Variants in ATP2B2 observed in about 807,000 individuals in gnomAD.
The protein encoded by ATP2B2 is ATPase plasma membrane Ca2+ transporting 2.
Under a neutral mutation model 120.0 loss-of-function variants are expected in ATP2B2, and 15 were observed. That is an observed-to-expected ratio of 0.12 (90% CI 0.08 to 0.19). The LOEUF is 0.19. Among genes scored for constraint, ATP2B2 ranks in the 10% least tolerant of loss-of-function variants. ATP2B2 has a pLI of 1.00. For missense variants in ATP2B2, 1,045 were observed against 1,719.8 expected, an observed-to-expected ratio of 0.61 and a Z score of 6.94; for synonymous variants, 694 against 700.3, an observed-to-expected ratio of 0.99 and a Z score of 0.14.
At chr3:10,642,466 G>A (rs1342541920) in intron 1 of ATP2B2, among the ~76,000 whole-genome samples, 2 of 152,086 alleles carry the variant, frequency 1.3e-5, no homozygotes, top group Non-Finnish European at 1.5e-5. Flanking sequence ...AAGAAACAGA[G>A]CAGCAACCAG....
chr3:10,470,899 T>C (rs2064958213), intron 1 of ATP2B2, among the ~76,000 whole-genome samples: 1 of 152,112 alleles, frequency 6.6e-6, no homozygotes, highest in African/African-American at 2.4e-5. Flanking sequence ...CAGGTTGCTA[T>C]GGCGACAGCA....
chr3:10,384,980 A>T (rs993786101), intron 8 of ATP2B2, among the ~76,000 whole-genome samples: 1 of 152,212 alleles, frequency 6.6e-6, no homozygotes, highest in African/African-American at 2.4e-5. Context: ...CTTGGGAGCC[A>T]ATCTGAAGCC....
At chr3:10,469,505 C>T (rs75381635) in intron 1 of ATP2B2, among the ~76,000 whole-genome samples, 1,940 of 152,300 alleles carry the variant, frequency 0.013, 48 homozygotes, top group African/African-American at 0.044. Flanking sequence ...GCTCAGGGCC[C>T]GTGCAAAGAG....
intron 21 of ATP2B2, among the ~76,000 whole-genome samples, chr3:10,339,897 T>C (rs994944526): frequency 6.6e-6 from 1 of 152,236 alleles, no homozygotes; most frequent in Non-Finnish European, 1.5e-5. Flanking sequence ...ATTAATGTTT[T>C]TGTTAGCTTC....
intron 2 of ATP2B2, among the ~76,000 whole-genome samples, chr3:10,611,617 A>C (rs1361747023): frequency 2.0e-5 from 3 of 152,060 alleles, no homozygotes; most frequent in African/African-American, 7.2e-5. Flanking sequence ...CACGTGTTCC[A>C]CTTCTTCTCT....
chr3:10,348,528 G>A (rs1030192370), intron 16 of ATP2B2, among the ~76,000 whole-genome samples: 1 of 152,180 alleles, frequency 6.6e-6, no homozygotes, highest in Non-Finnish European at 1.5e-5. Flanking sequence ...CCAGTCTCCT[G>A]TAGCTTCCCT....
At chr3:10,477,654 C>T (rs928676180) in intron 1 of ATP2B2, among the ~76,000 whole-genome samples, 1 of 152,204 alleles carries the variant, frequency 6.6e-6, no homozygotes, top group Non-Finnish European at 1.5e-5. Context: ...CAGTATTTGT[C>T]CCTTTATGGC....
rs1575053745 is a variant in ATP2B2, at chr3:10,375,180, C to T, written c.1416+250G>A. On this transcript the variant is annotated intron_variant, in intron 11 of 22. Coordinates refer to ENST00000360273, the MANE Select transcript of ATP2B2 (RefSeq NM_001001331.4). This position sits in a 1 kb window ranked among gnomAD's most constrained non-coding sequence, Gnocchi z 4.2. ...ATGCTGGGCCTGCACCCCTGCAAGG[C>T]GGCGTGTGGCTGGGCTGAATAACAG... is the stretch of plus-strand genomic sequence containing the variant. Among the ~76,000 whole-genome samples the T allele has an allele frequency of 1.3e-5, 2 of 152,188 alleles. No homozygotes were observed. Among genetic ancestry groups the T allele is most frequent in the African/African-American group, 2.4e-5 (1 of 41,438 alleles).
intron 1 of ATP2B2, among the ~76,000 whole-genome samples, chr3:10,648,197 G>A (rs568929622): frequency 2.6e-5 from 4 of 152,282 alleles, no homozygotes; most frequent in South Asian, 4.1e-4. Context: ...CCACACATCC[G>A]ATGGCAGTGG....
At position 10,346,046 on chromosome 3, in the gene ATP2B2, G is replaced by T; in HGVS notation, c.2496C>A (p.Asp832Glu). The change falls in exon 17 of 23, where the codon GAC (aspartate) becomes GAA (glutamate). Residue 832 changes from aspartate to glutamate, a missense_variant. Asp to Glu is a conservative substitution (Grantham distance 45, BLOSUM62 2). Around this residue, in one of 11 missense-constraint regions of ATP2B2, gnomAD observed 98 missense variants for 266.7 expected, o/e 0.37. Transcript: ENST00000360273. This position sits in a 1 kb window ranked among gnomAD's most constrained non-coding sequence, Gnocchi z 4.1. Reference protein sequence around the residue: ...TNDGPALKKADVGFAMGIAGT... With the variant: ...TNDGPALKKAEVGFAMGIAGT... Reference sequence around the variant, plus strand: ...CCGTTCCTACCATGGCGAAGCCCACGTCGGCCTTCTTGAGTGCAGGCCCGT... The same window carrying T: ...CCGTTCCTACCATGGCGAAGCCCACTTCGGCCTTCTTGAGTGCAGGCCCGT... The T allele has an allele frequency of 6.2e-7, 1 of 1,611,796 alleles. No homozygotes were observed.
At chr3:10,661,606 A>C (rs1251575635) in intron 1 of ATP2B2, among the ~76,000 whole-genome samples, 1 of 152,252 alleles carries the variant, frequency 6.6e-6, no homozygotes, top group Non-Finnish European at 1.5e-5. Context: ...AAGAGGACAC[A>C]AACAAATGGA....
intron 1 of ATP2B2, among the ~76,000 whole-genome samples, chr3:10,630,960 T>C (rs2069847551): frequency 6.6e-6 from 1 of 152,192 alleles, no homozygotes; most frequent in Non-Finnish European, 1.5e-5. Flanking sequence ...AGAGAAAGAA[T>C]TATTTCTTCT....
intron 2 of ATP2B2, among the ~76,000 whole-genome samples, chr3:10,536,479 C>T (rs984565462): frequency 6.6e-6 from 1 of 151,468 alleles, no homozygotes; most frequent in South Asian, 2.1e-4. Context: ...TCCTCCTCCT[C>T]CTCCTCTTTC....
intron 1 of ATP2B2, among the ~76,000 whole-genome samples, chr3:10,690,647 C>G (rs1218187458): frequency 1.1e-4 from 16 of 152,148 alleles, no homozygotes; most frequent in Admixed American, 1.0e-3. Context: ...CTCAGAACCA[C>G]CCCCAGAGAC....
chr3:10,389,917 G>A (rs2061794982), intron 5 of ATP2B2, among the ~76,000 whole-genome samples: 2 of 152,218 alleles, frequency 1.3e-5, no homozygotes, highest in East Asian at 1.9e-4. Context: ...TTCTAGCAGC[G>A]AGGGAATGCG....
rs183540814 is a variant in ATP2B2 at position 10,703,287 on chromosome 3, A to C, written c.-460+4628T>G. Among the ~76,000 whole-genome samples, 3 of 152,294 alleles carry C rather than the reference A, an allele frequency of 2.0e-5. No individual in the cohort carries two copies. The East Asian group carries it at 5.8e-4, about 29-fold the overall frequency. Reference sequence around the variant, plus strand: ...CCTCCTGGGAGGGAGTCCTGCGCGCAGAAAGCTTGTCCTGGCTGTGCCCTC... The same window carrying C: ...CCTCCTGGGAGGGAGTCCTGCGCGCCGAAAGCTTGTCCTGGCTGTGCCCTC... On this transcript the variant is annotated intron_variant, in intron 1 of 21. Transcript: ENST00000646379.
intron 3 of ATP2B2, among the ~76,000 whole-genome samples, chr3:10,520,879 G>T (rs2068959647): frequency 6.6e-6 from 1 of 151,946 alleles, no homozygotes; most frequent in African/African-American, 2.4e-5. Flanking sequence ...CATCACTGCA[G>T]GTTCAGAGTG....
At chr3:10,421,020 G>C (rs36109047) in intron 2 of ATP2B2, among the ~76,000 whole-genome samples, 1 of 151,996 alleles carries the variant, frequency 6.6e-6, no homozygotes, top group Non-Finnish European at 1.5e-5. Context: ...GCATCACCTG[G>C]GGACTTGTTA....
intron 2 of ATP2B2, among the ~76,000 whole-genome samples, chr3:10,420,088 G>A (rs545744302): frequency 2.6e-5 from 4 of 152,358 alleles, no homozygotes; most frequent in African/African-American, 4.8e-5. Flanking sequence ...ATGCGTGCCC[G>A]AGGATGTGGC....
Sources: allele counts gnomAD v4.1 joint callset (sites outside exome capture counted in the v4.1 genomes callset), GRCh38; gene constraint gnomAD v4.1.1; regional missense constraint gnomAD v4.1.1; non-coding constraint Gnocchi (gnomAD v3.1); transcripts MANE v1.5; gene names NCBI Gene and HGNC (gene_info 2026-07-23, HGNC 2026-07-21).